The following TSHZ1 variants were observed in gnomAD, a reference collection of about 807,000 sequenced individuals.
TSHZ1 encodes teashirt homolog 1.
A neutral mutation model predicts 67.1 loss-of-function variants in TSHZ1; 12 were observed. The observed-to-expected ratio is 0.18, with a 90% CI of 0.11 to 0.29. The LOEUF (loss-of-function observed/expected upper bound fraction) is 0.29, where lower values mean the gene tolerates loss of function less well. TSHZ1 is among the 10% of genes least tolerant of loss of function. The pLI is 1.00. For synonymous variants in TSHZ1, 632 were observed against 622.4 expected (o/e 1.02, Z -0.23); for missense variants, 1,305 against 1,413.9 (o/e 0.92, Z 1.23).
intron 1 of TSHZ1, among the ~76,000 whole-genome samples, chr18:75,256,092 T>C: frequency 6.6e-6 from 1 of 152,236 alleles, no homozygotes; most frequent in East Asian, 1.9e-4. Context: ...GAAACAGATA[T>C]TTCTGTGCTT....
chr18:75,270,449 G>T (rs927602528), intron 1 of TSHZ1, among the ~76,000 whole-genome samples: 5 of 152,234 alleles, frequency 3.3e-5, no homozygotes, highest in Non-Finnish European at 7.3e-5. Context: ...CTGTGGGTAT[G>T]AAATGTTTAT....
intron 1 of TSHZ1, among the ~76,000 whole-genome samples, chr18:75,242,549 C>T (rs918728491): frequency 9.2e-5 from 14 of 152,198 alleles, no homozygotes; most frequent in East Asian, 7.7e-4. Flanking sequence ...CCATGAAATT[C>T]GGCAGCTCAT....
chr18:75,269,217 G>A (rs1392111096), intron 1 of TSHZ1, among the ~76,000 whole-genome samples: 1 of 152,210 alleles, frequency 6.6e-6, no homozygotes, highest in Admixed American at 6.5e-5. Context: ...CAGCCTCAGT[G>A]CATTTATCTG....
chr18:75,237,255 C>G (rs1432917168), intron 1 of TSHZ1, among the ~76,000 whole-genome samples: 4 of 152,196 alleles, frequency 2.6e-5, no homozygotes, highest in Admixed American at 6.5e-5. Flanking sequence ...GGTGCGGTAG[C>G]TCATGCCTAT....
At chr18:75,219,969 A>G (rs1186423539) in intron 1 of TSHZ1, among the ~76,000 whole-genome samples, 1 of 152,216 alleles carries the variant, frequency 6.6e-6, no homozygotes, top group African/African-American at 2.4e-5. Context: ...ATGGTGTCCA[A>G]TTGTTTATGC....
intron 1 of TSHZ1, among the ~76,000 whole-genome samples, chr18:75,272,558 T>C (rs1001694107): frequency 4.6e-5 from 7 of 152,240 alleles, no homozygotes; most frequent in Non-Finnish European, 8.8e-5. Context: ...AGAGAGTCAC[T>C]TTACTTCTTT....
At chr18:75,220,486 G>A (rs1428523500) in intron 1 of TSHZ1, among the ~76,000 whole-genome samples, 1 of 152,186 alleles carries the variant, frequency 6.6e-6, no homozygotes, top group Non-Finnish European at 1.5e-5. Flanking sequence ...TTTGAGCTCA[G>A]TTATGCTTTG....
intron 1 of TSHZ1, 78 bp from the exon 2 acceptor site, chr18:75,285,369 AG>A (rs2023738029): frequency 7.1e-7 from 1 of 1,402,440 alleles, no homozygotes; most frequent in Non-Finnish European, 9.3e-7. Context: ...ATCTTTTTAA[AG>A]ATCATCTAAC....
chr18:75,285,247 T>A (rs776898549), intron 1 of TSHZ1: 28 of 479,758 alleles, frequency 5.8e-5, no homozygotes, highest in Non-Finnish European at 8.3e-5. Context: ...TCAGTCCCCT[T>A]TGCTAAAGAC....
At chr18:75,253,629 G>A (rs80266277) in intron 1 of TSHZ1, among the ~76,000 whole-genome samples, 2,399 of 152,298 alleles carry the variant, frequency 0.016, 32 homozygotes, top group Non-Finnish European at 0.024. Context: ...AAGGCTGACT[G>A]TTTAAAAAGT....
intron 1 of TSHZ1, among the ~76,000 whole-genome samples, chr18:75,249,639 C>T (rs2023269926): frequency 6.8e-6 from 1 of 146,866 alleles, no homozygotes; most frequent in Admixed American, 6.8e-5. Context: ...GTGACTTCCT[C>T]CTCCTCAACT....
chr18:75,284,480 A>G (rs1381709904), intron 1 of TSHZ1: 1 of 152,260 alleles, frequency 6.6e-6, no homozygotes, highest in Non-Finnish European at 1.5e-5. Flanking sequence ...AAGAACGTTC[A>G]TATTGATGTG....
intron 1 of TSHZ1, among the ~76,000 whole-genome samples, chr18:75,248,945 G>A (rs918402162): frequency 6.6e-6 from 1 of 152,176 alleles, no homozygotes; most frequent in African/African-American, 2.4e-5. Flanking sequence ...AGTACCAGGC[G>A]AGCCACCTCC....
At chr18:75,270,178 T>C (rs2023540689) in intron 1 of TSHZ1, among the ~76,000 whole-genome samples, 1 of 152,188 alleles carries the variant, frequency 6.6e-6, no homozygotes, top group African/African-American at 2.4e-5. Flanking sequence ...GGGTGGACCA[T>C]CTAGGTAAAG....
chr18:75,226,556 C>G (rs2022928094), intron 1 of TSHZ1, among the ~76,000 whole-genome samples: 1 of 151,060 alleles, frequency 6.6e-6, no homozygotes, highest in Admixed American at 6.6e-5. Context: ...AGCTGTCGTT[C>G]AATCTGTTTT....
At chr18:75,237,615 T>A (rs1416322958) in intron 1 of TSHZ1, among the ~76,000 whole-genome samples, 2 of 152,220 alleles carry the variant, frequency 1.3e-5, no homozygotes, top group East Asian at 3.9e-4. Flanking sequence ...TGTACACACC[T>A]TTTTTCTGTT....
chr18:75,262,246 C>CTTCCCCTTT (rs2023439019), intron 1 of TSHZ1, among the ~76,000 whole-genome samples: 1 of 152,180 alleles, frequency 6.6e-6, no homozygotes, highest in African/African-American at 2.4e-5. Context: ...AAGGAGCTGC[C>CTTCCCCTTT]TTCCCCTTTA....
At chr18:75,253,748 A>G (rs944109536) in intron 1 of TSHZ1, among the ~76,000 whole-genome samples, 1 of 152,236 alleles carries the variant, frequency 6.6e-6, no homozygotes, top group Non-Finnish European at 1.5e-5. Context: ...TGGCTTAGGC[A>G]TGAGGGAAAG....
intron 1 of TSHZ1, among the ~76,000 whole-genome samples, chr18:75,215,987 T>C (rs1271569007): frequency 6.9e-6 from 1 of 145,336 alleles, no homozygotes; most frequent in Non-Finnish European, 1.5e-5. Flanking sequence ...TGTGGGTGTG[T>C]GGTGGGGGAG....
Sources: allele counts gnomAD v4.1 joint callset (sites outside exome capture counted in the v4.1 genomes callset), GRCh38; gene constraint gnomAD v4.1.1; transcripts MANE v1.5; gene names NCBI Gene and HGNC (gene_info 2026-07-23, HGNC 2026-07-21).